COL4A3: variants seen among roughly 807,000 people sequenced by gnomAD.
COL4A3 encodes the protein collagen alpha-3(IV) chain.
A neutral mutation model predicts 217.4 loss-of-function variants in COL4A3; 135 were observed. That is an observed-to-expected ratio of 0.62 (90% CI 0.54 to 0.72). The LOEUF is 0.72. Ranked by LOEUF, COL4A3 falls within the 30% of genes least tolerant of loss-of-function variation. COL4A3 has a pLI of 0.00. For synonymous variants in COL4A3, 690 were observed against 736.3 expected (o/e 0.94, Z 1.02); for missense variants, 1,868 against 2,119.9 (o/e 0.88, Z 2.33).
chr2:227,303,868 GT>G lies in COL4A3; in HGVS notation c.3966del (p.Asn1323IlefsTer5). On this transcript the variant is annotated frameshift_variant, in exon 45 of 52. Transcript: ENST00000396578. LOFTEE classifies it high-confidence loss of function. ...QGFPGVKGEK[G>X]NPGFLGSIGP... ...CTTTGTTTGTTTTTAGGAGAAAAGG[GT>G]AATCCTGGATTTCTAGGATCCATTG... 6.2e-7 allele frequency: 1 copy of G among 1,614,028 alleles called. No individual in the cohort carries two copies. The highest frequency in any genetic ancestry group is 8.5e-7 in the Non-Finnish European group (1 of 1,179,974).
chr2:227,174,895 G>A (rs2065622926), intron 1 of COL4A3, among the ~76,000 whole-genome samples: 1 of 152,182 alleles, frequency 6.6e-6, no homozygotes, highest in Non-Finnish European at 1.5e-5. Context: ...GGGACTCATT[G>A]GTAAACAAAA....
At chr2:227,184,845 T>G (rs1034514304) in intron 1 of COL4A3, among the ~76,000 whole-genome samples, 22 of 139,018 alleles carry the variant, frequency 1.6e-4, no homozygotes, top group African/African-American at 5.1e-4. Context: ...TCTCTAAACT[T>G]GTGTATACAT....
chr2:227,214,009 G>T (rs1287615480), intron 1 of COL4A3, among the ~76,000 whole-genome samples: 3 of 151,794 alleles, frequency 2.0e-5, no homozygotes, highest in Non-Finnish European at 4.4e-5. Flanking sequence ...AGGTGAAATT[G>T]TGTTCCCAGA....
At chr2:227,252,008 G>T (rs1240208537) in intron 11 of COL4A3, among the ~76,000 whole-genome samples, 3 of 141,092 alleles carry the variant, frequency 2.1e-5, no homozygotes, top group East Asian at 2.2e-4. Flanking sequence ...GTTGGAGTTT[G>T]CAGTGAGCCA....
Position 227,280,525 on chromosome 2 carries a change from TTGGACTCCCTGGACTTCC to T in COL4A3, c.2310_2327del (p.Leu775_Gly780del). ...GGCAATTCTGGGGAACATGGAGAAA[TTGGACTCCCTGGACTTCC>T]AGGTCTCCCTGGAACTCCAGGAAAT... is the stretch of plus-strand genomic sequence containing the variant. On this transcript the variant is annotated inframe_deletion, in exon 30 of 52. Transcript: ENST00000396578. 1 of 1,613,910 alleles carries T rather than the reference TTGGACTCCCTGGACTTCC, an allele frequency of 6.2e-7. No homozygotes were observed. The highest frequency in any genetic ancestry group is 8.5e-7 in the Non-Finnish European group (1 of 1,179,960).
chr2:227,295,362 G>A (rs1303426349), intron 41 of COL4A3, 46 bp downstream of exon 41: 4 of 1,555,250 alleles, frequency 2.6e-6, no homozygotes, highest in Admixed American at 3.3e-5. Flanking sequence ...TTTTCAAGGA[G>A]AGAAAGCAGT....
chr2:227,165,431 CTTTGA>C (rs772374484), intron 1 of COL4A3, among the ~76,000 whole-genome samples: 13 of 152,170 alleles, frequency 8.5e-5, no homozygotes, highest in Admixed American at 3.3e-4. Flanking sequence ...CAATCTGACA[CTTTGA>C]TTTGATTTTT....
intron 1 of COL4A3, among the ~76,000 whole-genome samples, chr2:227,206,130 G>C (rs1394611249): frequency 2.6e-5 from 4 of 152,010 alleles, no homozygotes; most frequent in Non-Finnish European, 5.9e-5. Flanking sequence ...CTGAAGTGCA[G>C]TGGTGCGATC....
At chr2:227,270,410 C>T (rs1312363775) in intron 24 of COL4A3, among the ~76,000 whole-genome samples, 1 of 152,138 alleles carries the variant, frequency 6.6e-6, no homozygotes, top group Non-Finnish European at 1.5e-5. Flanking sequence ...AGAATCTTGA[C>T]TGTCATAGTG....
At chr2:227,174,041 T>A (rs6705054) in intron 1 of COL4A3, among the ~76,000 whole-genome samples, 7,536 of 152,306 alleles carry the variant, frequency 0.049, 230 homozygotes, top group Admixed American at 0.087. Flanking sequence ...AATACTTGTC[T>A]AAATGAAACA....
At chr2:227,281,117 G>T (rs6733386) in intron 31 of COL4A3, 111 bp downstream of exon 31, 11 of 753,292 alleles carry the variant, frequency 1.5e-5, no homozygotes, top group African/African-American at 1.2e-4. Context: ...CCTGACCACT[G>T]TTCAATGAGA....
intron 4 of COL4A3, 26 bp from the exon 5 acceptor site, chr2:227,244,925 C>G (rs555692574): frequency 1.2e-6 from 2 of 1,606,664 alleles, no homozygotes; most frequent in East Asian, 2.2e-5. Flanking sequence ...TTTTTTGCCA[C>G]CCCCTCCTTT....
chr2:227,179,837 A>G (rs1013255070), intron 1 of COL4A3, among the ~76,000 whole-genome samples: 1 of 152,230 alleles, frequency 6.6e-6, no homozygotes, highest in Non-Finnish European at 1.5e-5. Flanking sequence ...TATGCATGTT[A>G]TAACGAGGTA....
intron 43 of COL4A3, among the ~76,000 whole-genome samples, chr2:227,300,205 A>G (rs1284434483): frequency 2.0e-5 from 3 of 152,206 alleles, no homozygotes; most frequent in Non-Finnish European, 4.4e-5. Context: ...AGAAGGGTCT[A>G]CTGTCCGGAA....
chr2:227,286,899 C>A (rs574513019), intron 34 of COL4A3, among the ~76,000 whole-genome samples: 4 of 152,290 alleles, frequency 2.6e-5, no homozygotes, highest in East Asian at 1.9e-4. Flanking sequence ...TCAATAATTA[C>A]CTTTTACTTA....
intron 1 of COL4A3, among the ~76,000 whole-genome samples, chr2:227,195,470 C>T (rs968547975): frequency 1.3e-5 from 2 of 152,052 alleles, no homozygotes; most frequent in African/African-American, 4.8e-5. Context: ...CCCAATGCCA[C>T]AGTGCAATGC....
rs57817160 is a variant in COL4A3, at chr2:227,314,522, G to A, written c.*2652G>A. 47,255 of 152,336 alleles carry A rather than the reference G, an allele frequency of 0.31. 7,712 individuals carry two copies. The highest frequency in any genetic ancestry group is 0.39 in the Admixed American group (6,018 of 15,268). The allele number at this position is 152,336 out of a possible 1,614,324, so 9.4% of individuals were successfully genotyped here. On this transcript the variant is annotated 3_prime_UTR_variant, in exon 52 of 52. Coordinates refer to ENST00000396578, the MANE Select transcript of COL4A3 (RefSeq NM_000091.5). ...CTTTCAGCAAGATAAACATTATTAA[G>A]TAACTTATTTATGAAAGTATTAAAA...
At position 227,243,733 on chromosome 2, in the gene COL4A3, A is replaced by G. The variant is rs2069156900; in HGVS notation, c.235-587A>G. ...CACCATTTAAGCTTATTCTCCAAGA[A>G]ATAGGACGTCGAAACTGAATGCATT... is the stretch of plus-strand genomic sequence containing the variant. On this transcript the variant is annotated intron_variant, in intron 3 of 51. Transcript: ENST00000396578. 2.0e-5 allele frequency among the ~76,000 whole-genome samples: 3 copies of G among 152,266 alleles called. No homozygotes were observed. In the South Asian group the frequency reaches 6.2e-4, roughly 31 times the overall value.
rs541653914 is a variant in COL4A3 at position 227,184,819 on chromosome 2, C to T, written c.87+20006C>T. ...AGACTCATCTTTTTTTCATTATGCG[C>T]ATTTTAGAAAAATTCTCTCTAAACT... On this transcript the variant is annotated intron_variant, in intron 1 of 51. Transcript: ENST00000396578. Among the ~76,000 whole-genome samples, 4 of 138,588 alleles carry T rather than the reference C, an allele frequency of 2.9e-5. No individual in the cohort carries two copies. In the South Asian group the frequency reaches 9.5e-4, roughly 33 times the overall value. 90.9% of individuals were successfully genotyped at this position (138,588 alleles called of 152,430 possible).
Sources: allele counts gnomAD v4.1 joint callset (sites outside exome capture counted in the v4.1 genomes callset), GRCh38; gene constraint gnomAD v4.1.1; transcripts MANE v1.5; gene names NCBI Gene and HGNC (gene_info 2026-07-23, HGNC 2026-07-21).